Variants in EEFSEC observed in about 807,000 individuals in gnomAD.
EEFSEC encodes the protein eukaryotic elongation factor, selenocysteine-tRNA specific.
In EEFSEC, 43 loss-of-function variants were observed where a neutral mutation model predicts 42.1. That is an observed-to-expected ratio of 1.02 (90% CI 0.80 to 1.32). EEFSEC has a LOEUF of 1.32. EEFSEC is among the 40% of genes most tolerant of loss of function. EEFSEC has a pLI of 0.00. For missense variants in EEFSEC, 745 were observed against 803.6 expected (o/e 0.93, Z 0.88); for synonymous variants, 354 against 339.1 (o/e 1.04, Z -0.48).
At position 128,230,822 on chromosome 3, in the gene EEFSEC, C is replaced by T. The variant is rs1304499721; in HGVS notation, c.317-16014C>T. 1.8e-4 allele frequency among the ~76,000 whole-genome samples: 28 copies of T among 152,170 alleles called. 1 individual carries two copies. The highest frequency in any genetic ancestry group is 1.8e-3 in the Admixed American group (28 of 15,288). On this transcript the variant is annotated intron_variant, in intron 1 of 6. Transcript: ENST00000254730. ...TCTCCCCACACACCTTGCCCTCACT[C>T]TCAAGGTGGCCCATGCATCAGTAGG...
At chr3:128,406,300 T>A (rs1276789583) in intron 6 of EEFSEC, among the ~76,000 whole-genome samples, 1 of 152,132 alleles carries the variant, frequency 6.6e-6, no homozygotes. Flanking sequence ...ACATGTGGTA[T>A]CTCAAAACCC....
chr3:128,409,379 TG>T (rs2107643882), downstream of EEFSEC, among the ~76,000 whole-genome samples: 1 of 152,074 alleles, frequency 6.6e-6, no homozygotes, highest in East Asian at 1.9e-4. Flanking sequence ...TGTGTGTGTG[TG>T]TGTGTCCCGT....
At chr3:128,173,461 A>G (rs1162937526) in intron 1 of EEFSEC, among the ~76,000 whole-genome samples, 1 of 152,222 alleles carries the variant, frequency 6.6e-6, no homozygotes, top group East Asian at 1.9e-4. Context: ...AATTCCTGCA[A>G]TGAACGACGT....
At chr3:128,316,380 G>C (rs936359988) in intron 4 of EEFSEC, among the ~76,000 whole-genome samples, 5 of 152,188 alleles carry the variant, frequency 3.3e-5, no homozygotes, top group African/African-American at 1.2e-4. Flanking sequence ...TGTTATGTCA[G>C]TGTTTTCACT....
At chr3:128,359,314 A>G (rs995189401) in intron 6 of EEFSEC, among the ~76,000 whole-genome samples, 4 of 152,176 alleles carry the variant, frequency 2.6e-5, no homozygotes, top group Non-Finnish European at 5.9e-5. Flanking sequence ...GACATAGGCC[A>G]GGGTTCATAC....
intron 5 of EEFSEC, among the ~76,000 whole-genome samples, chr3:128,356,224 C>T (rs2067452551): frequency 6.6e-6 from 1 of 152,220 alleles, no homozygotes; most frequent in African/African-American, 2.4e-5. Flanking sequence ...TATATTATCC[C>T]TTTGGTCCTG....
chr3:128,236,412 A>G (rs1308685342), intron 1 of EEFSEC, among the ~76,000 whole-genome samples: 1 of 152,074 alleles, frequency 6.6e-6, no homozygotes, highest in Non-Finnish European at 1.5e-5. Flanking sequence ...TCATCTGTAA[A>G]TGGCGGGGGG....
At chr3:128,418,360 G>C in the EEFSEC span, among the ~76,000 whole-genome samples, 1 of 151,494 alleles carries the variant, frequency 6.6e-6, no homozygotes, top group South Asian at 2.1e-4. Flanking sequence ...GCACCCACCT[G>C]TGCCTCCTCT....
At chr3:128,423,067 A>G in the EEFSEC span, among the ~76,000 whole-genome samples, 12 of 152,244 alleles carry the variant, frequency 7.9e-5, no homozygotes, top group Non-Finnish European at 1.6e-4. Context: ...TCTGTGCCTC[A>G]GCGAAATGAA....
chr3:128,391,079 C>T (rs961980754), intron 6 of EEFSEC, among the ~76,000 whole-genome samples: 7 of 152,248 alleles, frequency 4.6e-5, no homozygotes, highest in Admixed American at 6.5e-5. Flanking sequence ...CCCACCAGAA[C>T]GCCCACACTG....
At chr3:128,206,516 T>G (rs2065698279) in intron 1 of EEFSEC, among the ~76,000 whole-genome samples, 1 of 152,152 alleles carries the variant, frequency 6.6e-6, no homozygotes, top group East Asian at 1.9e-4. Flanking sequence ...AAATCTGTTT[T>G]GAAAACTGGA....
intron 6 of EEFSEC, among the ~76,000 whole-genome samples, chr3:128,397,970 C>G (rs2107631968): frequency 6.6e-6 from 1 of 152,368 alleles, no homozygotes; most frequent in South Asian, 2.1e-4. Context: ...GTCGGCAGAC[C>G]TGCTCACCCC....
At chr3:128,166,632 G>A (rs1273550721) in intron 1 of EEFSEC, among the ~76,000 whole-genome samples, 2 of 151,834 alleles carry the variant, frequency 1.3e-5, no homozygotes, top group Non-Finnish European at 2.9e-5. Flanking sequence ...TCCTGGCCTG[G>A]GGTGACTACC....
At chr3:128,384,359 G>A (rs2067812832) in intron 6 of EEFSEC, among the ~76,000 whole-genome samples, 1 of 152,252 alleles carries the variant, frequency 6.6e-6, no homozygotes, top group African/African-American at 2.4e-5. Context: ...GACCTCATGG[G>A]CCATGTTGTG....
At chr3:128,172,660 G>T (rs933000473) in intron 1 of EEFSEC, among the ~76,000 whole-genome samples, 4 of 152,178 alleles carry the variant, frequency 2.6e-5, no homozygotes, top group African/African-American at 9.7e-5. Flanking sequence ...ATATGGAGGT[G>T]GTGGGGCACT....
chr3:128,313,228 T>G (rs1418880839), intron 4 of EEFSEC, among the ~76,000 whole-genome samples: 8 of 152,162 alleles, frequency 5.3e-5, no homozygotes, highest in Non-Finnish European at 8.8e-5. Flanking sequence ...AATTGATGTC[T>G]CCTGCCAACA....
chr3:128,332,611 C>A (rs2067146205), intron 4 of EEFSEC, among the ~76,000 whole-genome samples: 1 of 152,194 alleles, frequency 6.6e-6, no homozygotes, highest in South Asian at 2.1e-4. Flanking sequence ...GCCATAATGC[C>A]CGGCTAATTT....
chr3:128,376,876 G>A (rs1213858543), intron 6 of EEFSEC, among the ~76,000 whole-genome samples: 1 of 152,116 alleles, frequency 6.6e-6, no homozygotes, highest in East Asian at 1.9e-4. Flanking sequence ...GCACCCAAAG[G>A]TTTGGGGAAC....
the EEFSEC span, among the ~76,000 whole-genome samples, chr3:128,414,259 C>T: frequency 3.3e-5 from 5 of 152,180 alleles, no homozygotes; most frequent in African/African-American, 1.2e-4. Context: ...GACCCCGGGG[C>T]TCTCTGGAGC....
Sources: gnomAD v4.1 joint callset for allele counts (sites outside exome capture counted in the v4.1 genomes callset) on GRCh38, gnomAD v4.1.1 for gene constraint, MANE v1.5 for transcripts, NCBI Gene and HGNC (gene_info 2026-07-23, HGNC 2026-07-21) for gene names.